KCNQ3: variants seen among roughly 807,000 people sequenced by gnomAD.
KCNQ3 encodes the protein potassium voltage-gated channel subfamily Q member 3, also known as potassium voltage-gated channel subfamily KQT member 3.
KCNQ3 carries 30 observed loss-of-function variants against 92.5 expected under a neutral mutation model. That is an observed-to-expected ratio of 0.32 (90% CI 0.24 to 0.44). The LOEUF (loss-of-function observed/expected upper bound fraction) is 0.44. KCNQ3 is among the 20% of genes least tolerant of loss of function. The pLI, the probability that KCNQ3 is intolerant of heterozygous loss-of-function variation, is 1.00. For synonymous variants in KCNQ3, 450 were observed against 468.8 expected (o/e 0.96, Z 0.52); for missense variants, 913 against 1,140.3 (o/e 0.80, Z 2.87).
chr8:132,449,127 C>T (rs1821763537), intron 1 of KCNQ3, among the ~76,000 whole-genome samples: 1 of 152,164 alleles, frequency 6.6e-6, no homozygotes. Flanking sequence ...TGTTTGTAGC[C>T]ATTCAGTGGG....
At chr8:132,358,614 T>C (rs1256108699) in intron 1 of KCNQ3, among the ~76,000 whole-genome samples, 4 of 151,944 alleles carry the variant, frequency 2.6e-5, no homozygotes, top group African/African-American at 9.7e-5. Context: ...TCTCCAAAGG[T>C]GAGGAGGCAC....
chr8:132,167,121 C>T (rs1826165156), intron 8 of KCNQ3, among the ~76,000 whole-genome samples: 1 of 152,088 alleles, frequency 6.6e-6, no homozygotes, highest in African/African-American at 2.4e-5. Flanking sequence ...ATAGGCGCTA[C>T]AACACAAATG....
chr8:132,412,903 A>G (rs149472994), intron 1 of KCNQ3, among the ~76,000 whole-genome samples: 17 of 152,310 alleles, frequency 1.1e-4, no homozygotes, highest in Non-Finnish European at 2.4e-4. Context: ...AAAGTGATAA[A>G]GCAAGTGACC....
At chr8:132,344,692 A>T (rs1818628956) in intron 1 of KCNQ3, among the ~76,000 whole-genome samples, 1 of 152,182 alleles carries the variant, frequency 6.6e-6, no homozygotes, top group Non-Finnish European at 1.5e-5. Context: ...CCTGGGAGAG[A>T]TCACAACATA....
rs943685576 is a variant in KCNQ3 at position 132,355,692 on chromosome 8, C to G, written c.386+124455G>C. On this transcript the variant is annotated intron_variant, in intron 1 of 14. Coordinates refer to ENST00000388996, the MANE Select transcript of KCNQ3 (RefSeq NM_004519.4). ...AATGCTGGTGGGATCTGAGTGTTCC[C>G]CTGGTTTCTTTTGAACCTGCCCATC... is the stretch of plus-strand genomic sequence containing the variant. Among the ~76,000 whole-genome samples the G allele has an allele frequency of 5.9e-5, 9 of 152,122 alleles. No individual in the cohort carries two copies. In the East Asian group the frequency reaches 1.7e-3, roughly 29 times the overall value.
chr8:132,292,644 T>TA (rs60628949), intron 1 of KCNQ3, among the ~76,000 whole-genome samples: 3,916 of 152,232 alleles, frequency 0.026, 185 homozygotes, highest in African/African-American at 0.089. Context: ...TTAGGTTCAG[T>TA]AAAAAACACA....
chr8:132,463,119 A>G (rs565189215), intron 1 of KCNQ3, among the ~76,000 whole-genome samples: 2 of 152,348 alleles, frequency 1.3e-5, no homozygotes, highest in East Asian at 1.9e-4. Flanking sequence ...GTTCACATCT[A>G]TGAAAGAACC....
At chr8:132,335,795 G>T (rs893396771) in intron 1 of KCNQ3, among the ~76,000 whole-genome samples, 3 of 152,104 alleles carry the variant, frequency 2.0e-5, no homozygotes, top group Admixed American at 6.5e-5. Flanking sequence ...GCAAAGTTGG[G>T]GAAAAGAATC....
chr8:132,137,131 A>G (rs969073491), intron 12 of KCNQ3, among the ~76,000 whole-genome samples: 2 of 151,732 alleles, frequency 1.3e-5, no homozygotes, highest in African/African-American at 2.4e-5. Flanking sequence ...TTGGCCTCCC[A>G]AAGTGCTGGG....
intron 1 of KCNQ3, among the ~76,000 whole-genome samples, chr8:132,452,201 A>G (rs1374940562): frequency 6.6e-6 from 1 of 152,134 alleles, no homozygotes; most frequent in African/African-American, 2.4e-5. Flanking sequence ...AAACATTTTC[A>G]TCCCCCCAAA....
At chr8:132,343,367 T>C (rs755907717) in intron 1 of KCNQ3, among the ~76,000 whole-genome samples, 9 of 152,234 alleles carry the variant, frequency 5.9e-5, no homozygotes, top group Non-Finnish European at 1.2e-4. Context: ...TCTGTGTTCA[T>C]ATCTTGCACA....
At chr8:132,261,815 A>C (rs529160992) in intron 1 of KCNQ3, among the ~76,000 whole-genome samples, 1 of 152,344 alleles carries the variant, frequency 6.6e-6, no homozygotes, top group East Asian at 1.9e-4. Context: ...CTATAGAATA[A>C]AATTATTGCG....
intron 1 of KCNQ3, among the ~76,000 whole-genome samples, chr8:132,413,848 G>T (rs148609531): frequency 6.6e-6 from 1 of 152,358 alleles, no homozygotes; most frequent in Non-Finnish European, 1.5e-5. Context: ...CACGCTGTCT[G>T]CAGGAGCACG....
At chr8:132,329,430 T>C (rs992024705) in intron 1 of KCNQ3, among the ~76,000 whole-genome samples, 4 of 152,228 alleles carry the variant, frequency 2.6e-5, no homozygotes, top group Non-Finnish European at 5.9e-5. Context: ...ATTCTGTATA[T>C]ATAGCAAAAC....
intron 10 of KCNQ3, 47 bp downstream of exon 10, chr8:132,141,082 G>T (rs1376023436): frequency 1.3e-6 from 2 of 1,549,436 alleles, no homozygotes; most frequent in Admixed American, 1.7e-5. Context: ...GTGGACTTGG[G>T]GGAGGAAGAA....
intron 9 of KCNQ3, among the ~76,000 whole-genome samples, chr8:132,160,229 G>T (rs1004143800): frequency 6.6e-6 from 1 of 152,152 alleles, no homozygotes; most frequent in African/African-American, 2.4e-5. Context: ...TGTATTAGCC[G>T]AGGTCATTCT....
At chr8:132,410,996 T>G (rs1820638043) in intron 1 of KCNQ3, among the ~76,000 whole-genome samples, 1 of 152,186 alleles carries the variant, frequency 6.6e-6, no homozygotes, top group South Asian at 2.1e-4. Flanking sequence ...GGGATGGGCC[T>G]TAAAAGCCCC....
At chr8:132,350,892 A>C (rs73710550) in intron 1 of KCNQ3, among the ~76,000 whole-genome samples, 2,049 of 152,214 alleles carry the variant, frequency 0.013, 49 homozygotes, top group African/African-American at 0.047. Context: ...AAGAGAGAGG[A>C]ATTTTTTTTT....
Position 132,167,284 on chromosome 8 carries a change from AG to A in KCNQ3, c.1235+3049del, listed in dbSNP as rs527305975. On this transcript the variant is annotated intron_variant, in intron 8 of 14. Coordinates refer to ENST00000388996, the MANE Select transcript of KCNQ3 (RefSeq NM_004519.4). Reference sequence around the variant, plus strand: ...CAGGGGCTGAGGAGAAGACGGAACCAGGAGTATCTGCTCACTGGGACAGAAT... The same window carrying A: ...CAGGGGCTGAGGAGAAGACGGAACCAGAGTATCTGCTCACTGGGACAGAAT... Among the ~76,000 whole-genome samples the A allele has an allele frequency of 5.2e-3, 785 of 152,348 alleles. 11 individuals carry two copies. The highest frequency in any genetic ancestry group is 0.018 in the African/African-American group (749 of 41,574).
Sources: allele counts gnomAD v4.1 joint callset (sites outside exome capture counted in the v4.1 genomes callset), GRCh38; gene constraint gnomAD v4.1.1; transcripts MANE v1.5; gene names NCBI Gene and HGNC (gene_info 2026-07-23, HGNC 2026-07-21).